Variants in LGR4 observed in about 807,000 individuals in gnomAD.
LGR4 encodes the protein leucine-rich repeat-containing G protein-coupled receptor 4.
A neutral mutation model predicts 84.8 loss-of-function variants in LGR4; 44 were observed. That is an observed-to-expected ratio of 0.52 (90% confidence interval 0.41 to 0.67). LGR4 has a LOEUF of 0.67. LGR4 is among the 30% of genes least tolerant of loss of function. LGR4 has a pLI of 0.00. For synonymous variants in LGR4, 429 were observed against 434.3 expected (o/e 0.99, Z 0.15); for missense variants, 1,032 against 1,131.4 (o/e 0.91, Z 1.26).
Position 27,366,059 on chromosome 11 carries a change from T to C in LGR4, c.*1808A>G, listed in dbSNP as rs867466817. Reference sequence around the variant, plus strand: ...TAACACTTTTATATATCTGTTATTCTAGTTTTTAAATGAATAAAATGAAAA... The same window carrying C: ...TAACACTTTTATATATCTGTTATTCCAGTTTTTAAATGAATAAAATGAAAA... On this transcript the variant is annotated 3_prime_UTR_variant, in exon 18 of 18. Coordinates refer to ENST00000379214, the MANE Select transcript of LGR4 (RefSeq NM_018490.5). The C allele has an allele frequency of 2.0e-5, 3 of 152,568 alleles. No homozygotes were observed. Among genetic ancestry groups the C allele is most frequent in the African/African-American group, 7.2e-5 (3 of 41,464 alleles). The allele number at this position is 152,568 out of a possible 1,614,324, so 9.5% of individuals were successfully genotyped here. A position where few individuals can be genotyped will look rare whatever the true frequency, so the allele number is the denominator to read the frequency against.
chr11:27,409,301 T>C (rs1318869785), intron 2 of LGR4, among the ~76,000 whole-genome samples: 1 of 152,030 alleles, frequency 6.6e-6, no homozygotes, highest in Non-Finnish European at 1.5e-5. Flanking sequence ...GGGCCTGACT[T>C]CAAGTCCCAG....
At chr11:27,427,814 G>A (rs11030001) in intron 1 of LGR4, among the ~76,000 whole-genome samples, 36,705 of 151,838 alleles carry the variant, frequency 0.24, 7,426 homozygotes, top group African/African-American at 0.56. Context: ...CCTTATTAGA[G>A]CCCTTGGGAA....
At chr11:27,440,510 A>G (rs1864288093) in intron 1 of LGR4, among the ~76,000 whole-genome samples, 1 of 152,170 alleles carries the variant, frequency 6.6e-6, no homozygotes. Context: ...ACCACTGTTA[A>G]GGTGACTTTC....
Position 27,371,582 on chromosome 11 carries a change from A to G in LGR4, c.1579+33T>C, listed in dbSNP as rs764519478. On this transcript the variant is annotated intron_variant, in intron 17 of 17. Transcript: ENST00000379214. ...TATATTTGCCTAATGTTTGTTTAAC[A>G]TGGGTAACTGTGAAAAAATAGGCCA... is the stretch of plus-strand genomic sequence containing the variant. 6 of 1,447,336 alleles carry G rather than the reference A, an allele frequency of 4.1e-6. No individual in the cohort carries two copies. The Admixed American group carries it at 5.1e-5, about 12-fold the overall frequency. 89.7% of individuals were successfully genotyped at this position (1,447,336 alleles called of 1,614,324 possible).
chr11:27,393,943 G>A lies in LGR4; in HGVS notation c.258-1425C>T, dbSNP rs868770651. Among the ~76,000 whole-genome samples, 67 of 128,136 alleles carry A rather than the reference G, an allele frequency of 5.2e-4. 3 individuals are homozygous for A. Among genetic ancestry groups the A allele is most frequent in the African/African-American group, 1.9e-3 (62 of 32,808 alleles). The allele number at this position is 128,136 out of a possible 152,430, so 84.1% of individuals were successfully genotyped here. A position where few individuals can be genotyped will look rare whatever the true frequency, so the allele number is the denominator to read the frequency against. ...AGAGGCGATTGCACTGAAGATTGGGGGGGGGGGGGGGCGCGGGAAGGGGAC... is the reference window on the plus strand; with the variant it reads ...AGAGGCGATTGCACTGAAGATTGGGAGGGGGGGGGGGCGCGGGAAGGGGAC... On this transcript the variant is annotated intron_variant, in intron 2 of 17. Transcript: ENST00000379214.
intron 2 of LGR4, 30 bp from the exon 3 acceptor site, chr11:27,392,548 A>G: frequency 6.6e-7 from 1 of 1,518,696 alleles, no homozygotes; most frequent in Non-Finnish European, 8.9e-7. Flanking sequence ...AAGTAGCAAG[A>G]AAAAAATAGT....
chr11:27,392,621 C>A, intron 2 of LGR4, 103 bp from the exon 3 acceptor site: 1 of 951,168 alleles, frequency 1.1e-6, no homozygotes, highest in Non-Finnish European at 1.5e-6. Context: ...CTATGTTAAA[C>A]ATTTCTCAAG....
chr11:27,450,632 T>C (rs1864467065), intron 1 of LGR4, among the ~76,000 whole-genome samples: 1 of 151,848 alleles, frequency 6.6e-6, no homozygotes, highest in African/African-American at 2.4e-5. Context: ...CTAATAAAAA[T>C]ACAAAATTAG....
chr11:27,422,181 C>A (rs1451763392), intron 1 of LGR4, among the ~76,000 whole-genome samples: 1 of 152,154 alleles, frequency 6.6e-6, no homozygotes, highest in African/African-American at 2.4e-5. Context: ...TGGAAACACT[C>A]AATTACTTCA....
At chr11:27,407,544 T>A (rs1863635048) in intron 2 of LGR4, among the ~76,000 whole-genome samples, 1 of 152,156 alleles carries the variant, frequency 6.6e-6, no homozygotes, top group African/African-American at 2.4e-5. Context: ...TTTTAGCACA[T>A]AATTAAGTTT....
chr11:27,395,218 G>A (rs1216314599), intron 2 of LGR4, among the ~76,000 whole-genome samples: 1 of 152,008 alleles, frequency 6.6e-6, no homozygotes, highest in Non-Finnish European at 1.5e-5. Context: ...AAAAGCTAGA[G>A]TCCTCCAAAA....
chr11:27,373,945 C>T, intron 14 of LGR4, 30 bp downstream of exon 14: 1 of 1,468,702 alleles, frequency 6.8e-7, no homozygotes, highest in South Asian at 1.1e-5. Context: ...TTACTACTTT[C>T]ATGACATTAC....
At chr11:27,416,102 T>C (rs1863811380) in intron 1 of LGR4, among the ~76,000 whole-genome samples, 1 of 152,144 alleles carries the variant, frequency 6.6e-6, no homozygotes, top group Non-Finnish European at 1.5e-5. Flanking sequence ...TTGTACAATC[T>C]TACCAGTGGC....
At chr11:27,423,378 GGCTTGTGGAGCAATCACT>G (rs1863958658) in intron 1 of LGR4, among the ~76,000 whole-genome samples, 1 of 152,208 alleles carries the variant, frequency 6.6e-6, no homozygotes, top group African/African-American at 2.4e-5. Context: ...CCATAATGCA[GGCTTGTGGAGCAATCACT>G]TCGCCTCAGG....
intron 2 of LGR4, among the ~76,000 whole-genome samples, chr11:27,406,244 T>C (rs1227432449): frequency 6.6e-6 from 1 of 152,098 alleles, no homozygotes; most frequent in African/African-American, 2.4e-5. Context: ...GAGTATACTA[T>C]CCCTCTCCCT....
chr11:27,404,973 T>C (rs1212104757), intron 2 of LGR4, among the ~76,000 whole-genome samples: 1 of 152,182 alleles, frequency 6.6e-6, no homozygotes, highest in Non-Finnish European at 1.5e-5. Flanking sequence ...TCTATCTACA[T>C]GCAACAATAA....
intron 1 of LGR4, among the ~76,000 whole-genome samples, chr11:27,430,803 G>T (rs1184335288): frequency 6.6e-6 from 1 of 152,008 alleles, no homozygotes; most frequent in East Asian, 1.9e-4. Flanking sequence ...CCAATCCAGT[G>T]CTTAGCAGTC....
chr11:27,377,710 A>C (rs889052531), intron 11 of LGR4, among the ~76,000 whole-genome samples: 2 of 152,164 alleles, frequency 1.3e-5, no homozygotes. Flanking sequence ...TTTAAAAAAC[A>C]GTTATATTAC....
Position 27,376,281 on chromosome 11 carries a change from A to C in LGR4, c.1181+18T>G. Reference sequence around the variant, plus strand: ...TTGGAAAAAATTTATTGTCTTTAATAATCATAGACAAACTTACAGAATCCT... The same window carrying C: ...TTGGAAAAAATTTATTGTCTTTAATCATCATAGACAAACTTACAGAATCCT... On this transcript the variant is annotated intron_variant, in intron 13 of 17. Transcript: ENST00000379214. The C allele has an allele frequency of 6.9e-7, 1 of 1,447,224 alleles. No individual in the cohort carries two copies. The highest frequency in any genetic ancestry group is 9.5e-7 in the Non-Finnish European group (1 of 1,047,170). The allele number at this position is 1,447,224 out of a possible 1,614,324, so 89.6% of individuals were successfully genotyped here. A position where few individuals can be genotyped will look rare whatever the true frequency, so the allele number is the denominator to read the frequency against.
Sources: allele counts gnomAD v4.1 joint callset (sites outside exome capture counted in the v4.1 genomes callset), GRCh38; gene constraint gnomAD v4.1.1; transcripts MANE v1.5; gene names NCBI Gene and HGNC (gene_info 2026-07-23, HGNC 2026-07-21).